Variants in GRID2 observed in about 807,000 individuals in gnomAD.
The protein encoded by GRID2 is glutamate ionotropic receptor delta type subunit 2.
GRID2 carries 33 observed loss-of-function variants against 114.8 expected under a neutral mutation model. That is an observed-to-expected ratio of 0.29 (90% CI 0.22 to 0.38). The LOEUF (loss-of-function observed/expected upper bound fraction) is 0.38, where lower values mean the gene tolerates loss of function less well. Among genes scored for constraint, GRID2 ranks in the 10% least tolerant of loss-of-function variants. The probability of loss-of-function intolerance (pLI) is 1.00; values close to 1 mark genes in which losing one functional copy is unlikely to be tolerated. For synonymous variants in GRID2, 505 were observed against 449.9 expected, an observed-to-expected ratio of 1.12 and a Z score of -1.55; for missense variants, 1,184 against 1,257.7, an observed-to-expected ratio of 0.94 and a Z score of 0.89.
chr4:92,342,947 T>C (rs1183523954), intron 1 of GRID2, among the ~76,000 whole-genome samples: 3 of 152,148 alleles, frequency 2.0e-5, no homozygotes, highest in Non-Finnish European at 4.4e-5. Context: ...AATGGGCAAT[T>C]GTGGCATAGT....
chr4:92,800,712 A>G (rs1444261798), intron 2 of GRID2, among the ~76,000 whole-genome samples: 4 of 151,944 alleles, frequency 2.6e-5, no homozygotes, highest in East Asian at 3.9e-4. Flanking sequence ...AAAAAATTCT[A>G]GAGAGTCATG....
chr4:92,654,997 G>A (rs1055024571), intron 2 of GRID2, among the ~76,000 whole-genome samples: 3 of 151,574 alleles, frequency 2.0e-5, no homozygotes, highest in African/African-American at 7.3e-5. Context: ...GTTTTTTTAC[G>A]GTTTCTTATA....
intron 12 of GRID2, among the ~76,000 whole-genome samples, chr4:93,508,200 ATTT>A (rs147557747): frequency 1.8e-3 from 258 of 140,364 alleles, no homozygotes; most frequent in East Asian, 6.9e-3. Context: ...TTTGTTTTTG[ATTT>A]TTTTTTTTTT....
intron 1 of GRID2, among the ~76,000 whole-genome samples, chr4:92,345,820 G>A (rs1727734943): frequency 6.6e-6 from 1 of 152,180 alleles, no homozygotes; most frequent in East Asian, 1.9e-4. Flanking sequence ...AAACACAAAA[G>A]TTCTTGAAAG....
At chr4:92,876,779 G>A (rs1745669734) in intron 2 of GRID2, among the ~76,000 whole-genome samples, 1 of 152,104 alleles carries the variant, frequency 6.6e-6, no homozygotes, top group Admixed American at 6.5e-5. Context: ...GGGAGGACAG[G>A]GTAGAGACTA....
At chr4:92,812,780 T>C (rs1295808192) in intron 2 of GRID2, among the ~76,000 whole-genome samples, 1 of 152,120 alleles carries the variant, frequency 6.6e-6, no homozygotes, top group African/African-American at 2.4e-5. Context: ...TGTTTGACAT[T>C]CCCATTCAGT....
At chr4:93,086,040 C>T (rs1730305520) in intron 3 of GRID2, among the ~76,000 whole-genome samples, 1 of 152,046 alleles carries the variant, frequency 6.6e-6, no homozygotes, top group Admixed American at 6.6e-5. Context: ...GACCGATCCC[C>T]AATATCTTAA....
chr4:92,593,441 A>G (rs575302275), intron 2 of GRID2, among the ~76,000 whole-genome samples: 18 of 152,132 alleles, frequency 1.2e-4, no homozygotes, highest in African/African-American at 3.8e-4. Context: ...TATATAACCC[A>G]TAAACAGTAA....
chr4:93,756,601 C>A (rs1418540697), intron 14 of GRID2, among the ~76,000 whole-genome samples: 7 of 152,152 alleles, frequency 4.6e-5, no homozygotes, highest in Non-Finnish European at 5.9e-5. Flanking sequence ...GATAAGAGCA[C>A]TGGTCCCTTC....
At chr4:93,498,355 A>T (rs1374697620) in intron 12 of GRID2, among the ~76,000 whole-genome samples, 1 of 151,868 alleles carries the variant, frequency 6.6e-6, no homozygotes, top group Non-Finnish European at 1.5e-5. Flanking sequence ...AACTAATCCC[A>T]GCCATGAGAG....
intron 2 of GRID2, among the ~76,000 whole-genome samples, chr4:92,999,992 A>G (rs1188643428): frequency 6.6e-6 from 1 of 151,712 alleles, no homozygotes; most frequent in Non-Finnish European, 1.5e-5. Context: ...AAGAATAATA[A>G]AAAGGAAACT....
intron 13 of GRID2, among the ~76,000 whole-genome samples, chr4:93,520,255 A>C (rs913077808): frequency 1.1e-4 from 16 of 152,164 alleles, no homozygotes; most frequent in African/African-American, 3.9e-4. Context: ...GTTCCTGCCT[A>C]AATGGAGATT....
At chr4:93,605,589 T>C (rs529932879) in intron 13 of GRID2, among the ~76,000 whole-genome samples, 4 of 152,318 alleles carry the variant, frequency 2.6e-5, no homozygotes, top group African/African-American at 9.6e-5. Flanking sequence ...GTTGAATGAA[T>C]AGGGAGTTCA....
At chr4:92,478,410 G>T (rs1277947721) in intron 1 of GRID2, among the ~76,000 whole-genome samples, 4 of 152,040 alleles carry the variant, frequency 2.6e-5, no homozygotes, top group Non-Finnish European at 4.4e-5. Flanking sequence ...GACTTGATGT[G>T]CTTAATAAAT....
chr4:92,441,858 G>A (rs919410133), intron 1 of GRID2, among the ~76,000 whole-genome samples: 15 of 152,168 alleles, frequency 9.9e-5, no homozygotes, highest in African/African-American at 3.6e-4. Flanking sequence ...CTTTGGATTG[G>A]GAAGAAGGGA....
chr4:93,679,578 C>G (rs1725293473), intron 14 of GRID2, among the ~76,000 whole-genome samples: 1 of 151,136 alleles, frequency 6.6e-6, no homozygotes, highest in South Asian at 2.1e-4. Context: ...AACAAACTGT[C>G]TCTCAGACCA....
chr4:92,970,755 G>A lies in GRID2; in HGVS notation c.245-114240G>A, dbSNP rs74978030. Among the ~76,000 whole-genome samples, 386 of 151,932 alleles carry A rather than the reference G, an allele frequency of 2.5e-3. 1 individual carries two copies. Among genetic ancestry groups the A allele is most frequent in the African/African-American group, 9.1e-3 (377 of 41,482 alleles). On this transcript the variant is annotated intron_variant, in intron 2 of 15. Transcript: ENST00000282020. ...AATTATTTCCAAATATTTATGTTTAGTCAGGATCTGAGCTACAATTCAGTA... is the reference window on the plus strand; with the variant it reads ...AATTATTTCCAAATATTTATGTTTAATCAGGATCTGAGCTACAATTCAGTA...
chr4:92,617,040 T>G (rs1730035418), intron 2 of GRID2, among the ~76,000 whole-genome samples: 1 of 151,520 alleles, frequency 6.6e-6, no homozygotes, highest in Non-Finnish European at 1.5e-5. Context: ...TTCAAAACTT[T>G]ATTATTTGTT....
chr4:92,623,312 A>T (rs1469747896), intron 2 of GRID2, among the ~76,000 whole-genome samples: 1 of 151,464 alleles, frequency 6.6e-6, no homozygotes, highest in Non-Finnish European at 1.5e-5. Flanking sequence ...TAGGATATAT[A>T]TATGACCTGC....
Sources: allele counts gnomAD v4.1 joint callset (sites outside exome capture counted in the v4.1 genomes callset), GRCh38; gene constraint gnomAD v4.1.1; transcripts MANE v1.5; gene names NCBI Gene and HGNC (gene_info 2026-07-23, HGNC 2026-07-21).